Variants in TOX2 observed in about 807,000 individuals in gnomAD.
TOX2 encodes the protein granulosa cell HMG box 1.
A neutral mutation model predicts 47.4 loss-of-function variants in TOX2; 15 were observed. That is an observed-to-expected ratio of 0.32 (90% confidence interval 0.21 to 0.49). TOX2 has a LOEUF of 0.49. Among genes scored for constraint, TOX2 ranks in the 20% least tolerant of loss-of-function variants. The pLI is 0.99. For synonymous variants in TOX2, 290 were observed against 296.6 expected (o/e 0.98, Z 0.23); for missense variants, 622 against 673.1 (o/e 0.92, Z 0.84).
At chr20:43,987,694 C>T (rs1438025997) in intron 2 of TOX2, among the ~76,000 whole-genome samples, 3 of 151,944 alleles carry the variant, frequency 2.0e-5, no homozygotes, top group Non-Finnish European at 1.5e-5. Flanking sequence ...GATGGGCGAG[C>T]CTTTTACCGC....
intron 1 of TOX2, among the ~76,000 whole-genome samples, chr20:43,960,261 C>T (rs925032807): frequency 6.6e-6 from 1 of 152,200 alleles, no homozygotes; most frequent in Non-Finnish European, 1.5e-5. Flanking sequence ...GATCCAGGCA[C>T]ACATTCTGTC....
intron 2 of TOX2, among the ~76,000 whole-genome samples, chr20:43,995,832 A>T (rs1405965247): frequency 6.6e-6 from 1 of 152,230 alleles, no homozygotes; most frequent in African/African-American, 2.4e-5. Context: ...TTCCTACAGA[A>T]GACATGATGT....
chr20:44,034,868 G>T (rs1234825079), intron 3 of TOX2, among the ~76,000 whole-genome samples: 5 of 152,110 alleles, frequency 3.3e-5, no homozygotes, highest in Admixed American at 2.0e-4. Context: ...CACCCTGTTG[G>T]CTCCCAAAAC....
At chr20:43,961,961 G>C (rs56280866) in intron 1 of TOX2, among the ~76,000 whole-genome samples, 8,164 of 152,258 alleles carry the variant, frequency 0.054, 291 homozygotes, top group African/African-American at 0.094. Context: ...GGCAGCGTCT[G>C]CAGCCCTCTT....
intron 3 of TOX2, among the ~76,000 whole-genome samples, chr20:44,019,197 G>A (rs1309191832): frequency 6.6e-6 from 1 of 152,186 alleles, no homozygotes; most frequent in Non-Finnish European, 1.5e-5. Context: ...GTTACATGGG[G>A]ACCCTATAGC....
chr20:43,935,511 G>C (rs2069314262), intron 1 of TOX2, among the ~76,000 whole-genome samples: 1 of 152,176 alleles, frequency 6.6e-6, no homozygotes, highest in South Asian at 2.1e-4. Context: ...GGTGTCTTTT[G>C]TGTACTATCT....
rs147006162 is a variant in TOX2 at position 44,021,042 on chromosome 20, C to T, written c.411+14250C>T. ...AGAAAGACTCTAGGTTTTCCTGAAT[C>T]GCACGACGCCTCATCCTGGGGTGCT... is the stretch of plus-strand genomic sequence containing the variant. On this transcript the variant is annotated intron_variant, in intron 3 of 8. Coordinates refer to ENST00000341197, the MANE Select transcript of TOX2 (RefSeq NM_001098797.2). 1.3e-3 allele frequency among the ~76,000 whole-genome samples: 203 copies of T among 152,128 alleles called. No homozygotes were observed. The Middle Eastern group carries it at 0.014, about 10-fold the overall frequency.
chr20:43,952,878 A>C (rs1256221668), intron 1 of TOX2, among the ~76,000 whole-genome samples: 1 of 152,050 alleles, frequency 6.6e-6, no homozygotes, highest in Non-Finnish European at 1.5e-5. Flanking sequence ...AAACCTGTGT[A>C]TGTTACTTTA....
chr20:43,928,435 C>T (rs2069205986), intron 1 of TOX2, among the ~76,000 whole-genome samples: 1 of 152,236 alleles, frequency 6.6e-6, no homozygotes, highest in Non-Finnish European at 1.5e-5. Flanking sequence ...TGCAGGTTTC[C>T]TGCAGCTGCT....
chr20:44,035,807 G>A (rs2071229717), intron 3 of TOX2, among the ~76,000 whole-genome samples: 1 of 152,222 alleles, frequency 6.6e-6, no homozygotes, highest in Non-Finnish European at 1.5e-5. Context: ...ACTCCGAGAT[G>A]GAGATTGTGC....
At chr20:43,925,387 G>T (rs939453486) in intron 1 of TOX2, among the ~76,000 whole-genome samples, 21 of 152,124 alleles carry the variant, frequency 1.4e-4, no homozygotes, top group Non-Finnish European at 7.4e-5. Flanking sequence ...ACTCTATTGC[G>T]GTGTGGGATG....
rs2070679665 is a variant in TOX2, at chr20:44,006,400, G to T, written c.166-147G>T. On this transcript the variant is annotated intron_variant, in intron 2 of 8. Transcript: ENST00000341197. ...TCTGACCGAGTTAGGGCACCGTCTT[G>T]ACCCTCTGCCTTGCAGAAACATCAT... The T allele has an allele frequency of 2.3e-6, 3 of 1,298,690 alleles. No individual in the cohort carries two copies. In the East Asian group the frequency reaches 7.0e-5, roughly 30 times the overall value. 80.4% of individuals were successfully genotyped at this position (1,298,690 alleles called of 1,614,324 possible).
At chr20:43,934,812 G>GTGTGTGTA (rs1235280571) in intron 1 of TOX2, among the ~76,000 whole-genome samples, 1 of 151,664 alleles carries the variant, frequency 6.6e-6, no homozygotes, top group Non-Finnish European at 1.5e-5. Flanking sequence ...GTGTGTGTGT[G>GTGTGTGTA]TGTGTGTGTG....
intron 3 of TOX2, among the ~76,000 whole-genome samples, chr20:44,044,220 T>C (rs190038395): frequency 6.6e-5 from 10 of 152,074 alleles, no homozygotes; most frequent in Non-Finnish European, 1.2e-4. Context: ...AGGTGGGAAT[T>C]GAACAATGAG....
At chr20:43,991,985 G>T (rs1406544008) in intron 2 of TOX2, among the ~76,000 whole-genome samples, 1 of 152,218 alleles carries the variant, frequency 6.6e-6, no homozygotes, top group Non-Finnish European at 1.5e-5. Flanking sequence ...GCAGGTAAAA[G>T]TTCTGTGGGG....
chr20:43,924,501 C>T (rs1341535159), intron 1 of TOX2, among the ~76,000 whole-genome samples: 1 of 152,146 alleles, frequency 6.6e-6, no homozygotes, highest in Admixed American at 6.5e-5. Flanking sequence ...AAGGAGGTCA[C>T]CTCTGGGCAA....
intron 2 of TOX2, among the ~76,000 whole-genome samples, chr20:44,002,753 G>A (rs28463642): frequency 0.058 from 8,795 of 152,104 alleles, 583 homozygotes; most frequent in African/African-American, 0.16. Flanking sequence ...CATGTCACAC[G>A]GCAGGAGAAT....
intron 1 of TOX2, among the ~76,000 whole-genome samples, chr20:43,948,479 C>T (rs912029001): frequency 1.2e-4 from 19 of 152,366 alleles, no homozygotes; most frequent in African/African-American, 3.6e-4. Flanking sequence ...CCGGCGGCAT[C>T]CCTGATGACT....
At chr20:44,022,577 A>G (rs1438797372) in intron 3 of TOX2, among the ~76,000 whole-genome samples, 9 of 152,218 alleles carry the variant, frequency 5.9e-5, no homozygotes, top group African/African-American at 1.9e-4. Flanking sequence ...TCACAGGGGT[A>G]CCTGGCACAA....
Sources: gnomAD v4.1 joint callset for allele counts (sites outside exome capture counted in the v4.1 genomes callset) on GRCh38, gnomAD v4.1.1 for gene constraint, MANE v1.5 for transcripts, NCBI Gene and HGNC (gene_info 2026-07-23, HGNC 2026-07-21) for gene names.